ANO3: variants seen among roughly 807,000 people sequenced by gnomAD.
ANO3 encodes anoctamin 3.
ANO3 carries 99 observed loss-of-function variants against 144.8 expected under a neutral mutation model. That is an observed-to-expected ratio of 0.68 (90% CI 0.58 to 0.81). The LOEUF is 0.81. Ranked by LOEUF, ANO3 falls within the 30% of genes least tolerant of loss-of-function variation. The pLI is 0.00. For missense variants in ANO3, 905 were observed against 1,202.2 expected, an observed-to-expected ratio of 0.75 and a Z score of 3.66; for synonymous variants, 414 against 392.6, an observed-to-expected ratio of 1.05 and a Z score of -0.64.
At chr11:26,614,521 A>G (rs1226716058) in intron 17 of ANO3, among the ~76,000 whole-genome samples, 2 of 152,148 alleles carry the variant, frequency 1.3e-5, no homozygotes, top group Non-Finnish European at 2.9e-5. Context: ...TCAAAATAGT[A>G]TAGAGCCATA....
chr11:26,515,692 T>C (rs572804514), intron 5 of ANO3, among the ~76,000 whole-genome samples: 1 of 152,136 alleles, frequency 6.6e-6, no homozygotes, highest in South Asian at 2.1e-4. Flanking sequence ...TCTTGAGCTT[T>C]TAAGATTCAT....
intron 1 of ANO3, among the ~76,000 whole-genome samples, chr11:26,364,835 A>G (rs1359513365): frequency 6.6e-6 from 1 of 152,144 alleles, no homozygotes; most frequent in African/African-American, 2.4e-5. Flanking sequence ...TATTCAAACT[A>G]TATCATTCTG....
chr11:26,608,912 T>C (rs982018239), intron 17 of ANO3, among the ~76,000 whole-genome samples: 1 of 152,166 alleles, frequency 6.6e-6, no homozygotes, highest in African/African-American at 2.4e-5. Flanking sequence ...CTGCCCGTCC[T>C]TCAAAGAGCT....
intron 1 of ANO3, among the ~76,000 whole-genome samples, chr11:26,401,082 C>T (rs985578894): frequency 6.6e-6 from 1 of 151,900 alleles, no homozygotes; most frequent in African/African-American, 2.4e-5. Context: ...ATAAAAGGAA[C>T]AGGACATCTG....
At chr11:26,484,813 G>A (rs1335543546) in intron 4 of ANO3, among the ~76,000 whole-genome samples, 1 of 152,126 alleles carries the variant, frequency 6.6e-6, no homozygotes, top group African/African-American at 2.4e-5. Flanking sequence ...AAGGTCTTGG[G>A]AGCACTGATG....
intron 18 of ANO3, among the ~76,000 whole-genome samples, chr11:26,628,507 T>A (rs1376317141): frequency 6.6e-6 from 1 of 152,204 alleles, no homozygotes; most frequent in Non-Finnish European, 1.5e-5. Context: ...ATTTGATTCC[T>A]CCTCTGAGTT....
chr11:26,435,663 T>C (rs1203069505), intron 1 of ANO3, among the ~76,000 whole-genome samples: 1 of 152,230 alleles, frequency 6.6e-6, no homozygotes, highest in African/African-American at 2.4e-5. Context: ...CATCCTTTTC[T>C]CAGCTTGGTC....
At chr11:26,421,646 G>A (rs2133998347) in intron 1 of ANO3, among the ~76,000 whole-genome samples, 1 of 152,024 alleles carries the variant, frequency 6.6e-6, no homozygotes, top group East Asian at 1.9e-4. Context: ...TACTTGGTAG[G>A]CTTTATCAAG....
chr11:26,221,641 G>A (rs575952810), intron 1 of ANO3, among the ~76,000 whole-genome samples: 2 of 152,330 alleles, frequency 1.3e-5, no homozygotes, highest in South Asian at 4.1e-4. Flanking sequence ...TCTGCAGGCT[G>A]TACAAGAAGT....
At chr11:26,585,091 C>A (rs1851238994) in intron 14 of ANO3, among the ~76,000 whole-genome samples, 1 of 152,196 alleles carries the variant, frequency 6.6e-6, no homozygotes. Context: ...GGCCTCTGAT[C>A]CTCTGACTCC....
intron 14 of ANO3, among the ~76,000 whole-genome samples, chr11:26,580,043 C>CA (rs1440018658): frequency 6.9e-6 from 1 of 144,642 alleles, no homozygotes; most frequent in Non-Finnish European, 1.5e-5. Flanking sequence ...AATACCAATA[C>CA]AAAATGAGGT....
chr11:26,611,379 T>C (rs1004155819), intron 17 of ANO3, among the ~76,000 whole-genome samples: 4 of 152,188 alleles, frequency 2.6e-5, no homozygotes, highest in African/African-American at 9.6e-5. Flanking sequence ...TTATTCGTTA[T>C]TTAGAAGTAT....
chr11:26,660,686 T>G lies in ANO3; in HGVS notation c.*242T>G. On this transcript the variant is annotated 3_prime_UTR_variant, in exon 27 of 27. Coordinates refer to ENST00000256737, the MANE Select transcript of ANO3 (RefSeq NM_031418.4). The stretch of plus-strand genomic sequence containing the variant: ...ATTGCAGGAAGCCAGGATGTAATTC[T>G]CAGAACCAGTCTCAGGGAGATATAT... The G allele has an allele frequency of 2.3e-6, 1 of 429,510 alleles. No individual in the cohort carries two copies. The allele number at this position is 429,510 out of a possible 1,614,324, so 26.6% of individuals were successfully genotyped here. A position where few individuals can be genotyped will look rare whatever the true frequency, so the allele number is the denominator to read the frequency against.
At chr11:26,244,140 A>C (rs1233317133) in intron 1 of ANO3, among the ~76,000 whole-genome samples, 1 of 151,668 alleles carries the variant, frequency 6.6e-6, no homozygotes, top group African/African-American at 2.4e-5. Flanking sequence ...AAGAAAAGAA[A>C]AAGAAAAAGA....
chr11:26,301,868 T>C (rs1016655451), intron 1 of ANO3, among the ~76,000 whole-genome samples: 2 of 152,120 alleles, frequency 1.3e-5, no homozygotes, highest in African/African-American at 4.8e-5. Context: ...AAAGTGAGAG[T>C]GAGATAGACC....
chr11:26,443,232 A>G (rs984053600), intron 2 of ANO3, among the ~76,000 whole-genome samples: 3 of 152,182 alleles, frequency 2.0e-5, no homozygotes, highest in Non-Finnish European at 4.4e-5. Context: ...TATGTCTACT[A>G]TGTAAAGTGG....
At chr11:26,656,616 A>G (rs1475695882) in intron 26 of ANO3, 135 bp downstream of exon 26, 16 of 629,530 alleles carry the variant, frequency 2.5e-5, no homozygotes, top group Non-Finnish European at 2.8e-6. Flanking sequence ...CTTTAATACA[A>G]TGAAAGCATT....
intron 9 of ANO3, 141 bp from the exon 10 acceptor site, chr11:26,537,265 C>T (rs1849533888): frequency 4.4e-6 from 3 of 675,380 alleles, no homozygotes; most frequent in Non-Finnish European, 8.0e-6. Context: ...TCACTGTCCT[C>T]ATAGGTGATG....
chr11:26,451,828 G>T (rs1399322021), intron 3 of ANO3, among the ~76,000 whole-genome samples: 2 of 152,212 alleles, frequency 1.3e-5, no homozygotes, highest in Admixed American at 1.3e-4. Flanking sequence ...CTAACTGGGA[G>T]ACACCCCCTA....
Sources: gnomAD v4.1 joint callset for allele counts (sites outside exome capture counted in the v4.1 genomes callset) on GRCh38, gnomAD v4.1.1 for gene constraint, MANE v1.5 for transcripts, NCBI Gene and HGNC (gene_info 2026-07-23, HGNC 2026-07-21) for gene names.